P2RX7: variants seen among roughly 807,000 people sequenced by gnomAD.
The protein encoded by P2RX7 is purinergic receptor P2X 7, also known as P2X purinoceptor 7.
In P2RX7, 62 loss-of-function variants were observed where a neutral mutation model predicts 71.6. The observed-to-expected ratio is 0.87, with a 90% CI of 0.71 to 1.07. P2RX7 has a LOEUF of 1.07. Ranked by LOEUF, P2RX7 falls within the 50% of genes least tolerant of loss-of-function variation. The probability of loss-of-function intolerance (pLI) is 0.00; values close to 1 mark genes in which losing one functional copy is unlikely to be tolerated. For missense variants in P2RX7, 686 were observed against 748.5 expected (o/e 0.92, Z 0.97); for synonymous variants, 299 against 283.3 (o/e 1.06, Z -0.56).
chr12:121,176,733 G>A (rs2686378), intron 9 of P2RX7, among the ~76,000 whole-genome samples: 55,702 of 142,996 alleles, frequency 0.39, 11,181 homozygotes, highest in African/African-American at 0.45. Context: ...GCCTGGGCAA[G>A]AGTGCGAGAC....
Position 121,180,474 on chromosome 12 carries a change from T to TA in P2RX7, c.1290+19_1290+20insA. On this transcript the variant is annotated intron_variant, in intron 12 of 12. Transcript: ENST00000328963. Reference sequence around the variant, plus strand: ...AGTCCCAGTAAGTTAAATCATTTTGTCTTTTTTTTTTTTTTAAGAAAATTT... The same window carrying TA: ...AGTCCCAGTAAGTTAAATCATTTTGTACTTTTTTTTTTTTTTAAGAAAATTT... The TA allele has an allele frequency of 2.9e-6, 4 of 1,356,202 alleles. No individual in the cohort carries two copies. Among genetic ancestry groups the TA allele is most frequent in the Non-Finnish European group, 4.1e-6 (4 of 980,070 alleles). 84.0% of individuals were successfully genotyped at this position (1,356,202 alleles called of 1,614,324 possible).
At chr12:121,143,287 G>C (rs1309570882) in intron 1 of P2RX7, among the ~76,000 whole-genome samples, 8 of 151,540 alleles carry the variant, frequency 5.3e-5, no homozygotes, top group Non-Finnish European at 1.2e-4. Flanking sequence ...CCAGCTACTT[G>C]GCAGGCCGAG....
chr12:121,157,267 CG>C (rs1878762843), intron 3 of P2RX7, among the ~76,000 whole-genome samples: 1 of 152,174 alleles, frequency 6.6e-6, no homozygotes, highest in East Asian at 1.9e-4. Flanking sequence ...GTTTTGCTCA[CG>C]GGCCCACTCT....
Position 121,149,683 on chromosome 12 carries a change from A to T in P2RX7, c.126-5102A>T, listed in dbSNP as rs185695050. ...GATGGGGACACAGCCAAACCATATC[A>T]GTGGCCCTGGCTTCTCTCCCATTAG... is the stretch of plus-strand genomic sequence containing the variant. On this transcript the variant is annotated intron_variant, in intron 1 of 12. Transcript: ENST00000328963. The surrounding 1 kb of genome is among the most constrained non-coding windows in gnomAD (Gnocchi z 4.7). Among the ~76,000 whole-genome samples the T allele has an allele frequency of 2.6e-5, 4 of 152,302 alleles. No homozygotes were observed. The East Asian group carries it at 7.7e-4, about 29-fold the overall frequency.
chr12:121,163,444 A>G (rs1375881214), intron 5 of P2RX7, among the ~76,000 whole-genome samples: 1 of 152,024 alleles, frequency 6.6e-6, no homozygotes, highest in African/African-American at 2.4e-5. Flanking sequence ...GCAGTGATGG[A>G]AATTTCTGTA....
At chr12:121,182,401 T>G (rs1884287348) in intron 12 of P2RX7, among the ~76,000 whole-genome samples, 1 of 152,214 alleles carries the variant, frequency 6.6e-6, no homozygotes, top group Non-Finnish European at 1.5e-5. Context: ...TAGCTGATTC[T>G]GTGGTTGTCT....
intron 8 of P2RX7, among the ~76,000 whole-genome samples, chr12:121,172,176 T>C (rs928951012): frequency 2.6e-5 from 4 of 152,168 alleles, no homozygotes; most frequent in Non-Finnish European, 1.5e-5. Flanking sequence ...CCCAAGTGAT[T>C]CTTGCCTTCA....
chr12:121,155,396 G>A, intron 2 of P2RX7: 1 of 1,291,090 alleles, frequency 7.7e-7, no homozygotes, highest in Non-Finnish European at 1.0e-6. Context: ...CACAAAGAAA[G>A]GATGTAAATG....
chr12:121,163,356 ACG>A (rs56338536), intron 5 of P2RX7, among the ~76,000 whole-genome samples: 1,305 of 92,012 alleles, frequency 0.014, 13 homozygotes, highest in Non-Finnish European at 0.016. Flanking sequence ...ACACACACAC[ACG>A]CACACACACA....
In P2RX7 at chr12:121,160,901, G is replaced by C; in HGVS notation, c.364-1G>C. ...CCACTCTGTCATCCTTCTATCTGCA[G>C]TATCCCACCCGCAGGACGCTCTGTT... On this transcript the variant is annotated splice_acceptor_variant, in intron 3 of 12. Transcript: ENST00000328963. LOFTEE classifies it high-confidence loss of function. The C allele has an allele frequency of 6.2e-7, 1 of 1,612,886 alleles. No individual in the cohort carries two copies. The highest frequency in any genetic ancestry group is 8.5e-7 in the Non-Finnish European group (1 of 1,178,882).
At chr12:121,164,492 A>T (rs1162875768) in intron 5 of P2RX7, among the ~76,000 whole-genome samples, 7 of 152,186 alleles carry the variant, frequency 4.6e-5, no homozygotes, top group Admixed American at 4.6e-4. Flanking sequence ...CACACAAAGA[A>T]CTACCTAGCC....
In P2RX7 at chr12:121,149,004, AG is replaced by A; in HGVS notation, c.126-5777del. ...GATGTTACCTTTGCGCTGGAAGCCC[AG>A]GGGCTGTAAGACGGAGAGGAACTTT... On this transcript the variant is annotated intron_variant, in intron 1 of 12. Coordinates refer to ENST00000328963, the MANE Select transcript of P2RX7 (RefSeq NM_002562.6). This position sits in a 1 kb window ranked among gnomAD's most constrained non-coding sequence, Gnocchi z 4.7. The A allele has an allele frequency of 1.9e-6, 1 of 524,554 alleles. No individual in the cohort carries two copies. 32.5% of individuals were successfully genotyped at this position (524,554 alleles called of 1,614,324 possible).
chr12:121,151,507 C>G (rs1210258473), intron 1 of P2RX7, among the ~76,000 whole-genome samples: 1 of 152,128 alleles, frequency 6.6e-6, no homozygotes, highest in Non-Finnish European at 1.5e-5. Flanking sequence ...AGGCATGAGC[C>G]ACCATGCCCA....
intron 1 of P2RX7, among the ~76,000 whole-genome samples, chr12:121,152,094 C>T (rs1877544422): frequency 6.6e-6 from 1 of 151,988 alleles, no homozygotes; most frequent in Non-Finnish European, 1.5e-5. Flanking sequence ...ATTCTCCTGC[C>T]TCACCCTCCC....
chr12:121,178,407 A>G (rs574210839), intron 11 of P2RX7, among the ~76,000 whole-genome samples: 2 of 152,330 alleles, frequency 1.3e-5, no homozygotes, highest in Non-Finnish European at 2.9e-5. Flanking sequence ...TGCTTTATCT[A>G]TTAACTCAAT....
chr12:121,175,344 C>G (rs1370426341), intron 8 of P2RX7, 44 bp from the exon 9 acceptor site: 1 of 1,058,936 alleles, frequency 9.4e-7, no homozygotes, highest in African/African-American at 1.7e-5. Context: ...AAACCCAGCA[C>G]TTTCAAAGGG....
intron 12 of P2RX7, among the ~76,000 whole-genome samples, chr12:121,181,706 A>G (rs1373692617): frequency 6.6e-6 from 1 of 152,054 alleles, no homozygotes; most frequent in East Asian, 1.9e-4. Context: ...AAATACAAAA[A>G]AATAGCCAGG....
chr12:121,155,426 C>T (rs754023012), intron 2 of P2RX7: 13 of 1,269,276 alleles, frequency 1.0e-5, no homozygotes, highest in Admixed American at 6.9e-5. Flanking sequence ...AGAAAGGCAT[C>T]GGTCACTGAG....
rs1883293758 is a variant in P2RX7, at chr12:121,177,164, T to A, written c.990T>A (p.Ile330=). ...LVFGTGGKFD[I]IQLVVYIGST... The stretch of plus-strand genomic sequence containing the variant: ...GTTTTTAGGGAGGAAAATTTGACAT[T>A]ATCCAGCTGGTTGTGTACATCGGCT... The change falls in exon 10 of 13, where the codon ATT becomes ATA. Residue 330 remains isoleucine (I), a synonymous_variant. Transcript: ENST00000328963. 1.2e-6 allele frequency: 2 copies of A among 1,614,086 alleles called. No individual in the cohort carries two copies. The highest frequency in any genetic ancestry group is 2.7e-5 in the African/African-American group (2 of 74,942).
Sources: allele counts gnomAD v4.1 joint callset (sites outside exome capture counted in the v4.1 genomes callset), GRCh38; gene constraint gnomAD v4.1.1; non-coding constraint Gnocchi (gnomAD v3.1); transcripts MANE v1.5; gene names NCBI Gene and HGNC (gene_info 2026-07-23, HGNC 2026-07-21).